The following PYROXD2 variants were observed in gnomAD, a reference collection of about 807,000 sequenced individuals.
The protein encoded by PYROXD2 is pyridine nucleotide-disulfide oxidoreductase domain-containing protein 2.
A neutral mutation model predicts 71.1 loss-of-function variants in PYROXD2; 69 were observed. That is an observed-to-expected ratio of 0.97 (90% CI 0.80 to 1.19). The LOEUF (loss-of-function observed/expected upper bound fraction) is 1.19. Among genes scored for constraint, PYROXD2 ranks in the 50% most tolerant of loss-of-function variants. PYROXD2 has a pLI of 0.00. For missense variants in PYROXD2, 745 were observed against 748.9 expected, an observed-to-expected ratio of 0.99 and a Z score of 0.06; for synonymous variants, 287 against 302.7, an observed-to-expected ratio of 0.95 and a Z score of 0.54.
intron 11 of PYROXD2, 68 bp downstream of exon 11, chr10:98,390,942 C>T: frequency 7.1e-7 from 1 of 1,412,878 alleles, no homozygotes; most frequent in South Asian, 1.1e-5. Flanking sequence ...TTCAGCTGCC[C>T]CCAGCCTGGA....
chr10:98,403,975 A>G (rs1843509433), intron 4 of PYROXD2, among the ~76,000 whole-genome samples: 1 of 152,230 alleles, frequency 6.6e-6, no homozygotes, highest in African/African-American at 2.4e-5. Context: ...CTAATTGACT[A>G]TGAATCACTT....
Position 98,393,027 on chromosome 10 carries a change from C to G in PYROXD2, c.842G>C (p.Gly281Ala), listed in dbSNP as rs762316577. Residue 281 changes from glycine to alanine, a missense_variant, in exon 9 of 16, where the codon GGC (glycine) becomes GCC (alanine). By Grantham distance (60) the Gly-to-Ala change is moderately conservative. Transcript: ENST00000370575. ...GGCACCCATGCCCCCCTGGACGTAG[C>G]CCCAGGCCCCCTGCATTCCCTCCAG... ...GGLEGMQGAWGYVQGGMGALS... is the reference protein window; with the variant it reads ...GGLEGMQGAWAYVQGGMGALS... 1.2e-5 allele frequency: 19 copies of G among 1,607,260 alleles called. No individual in the cohort carries two copies. The highest frequency in any genetic ancestry group is 1.1e-4 in the East Asian group (5 of 44,768).
At position 98,407,508 on chromosome 10, in the gene PYROXD2, G is replaced by A. The variant is rs532183938; in HGVS notation, c.315+74C>T. 5.7e-6 allele frequency: 9 copies of A among 1,577,058 alleles called. No homozygotes were observed. In the South Asian group the frequency reaches 6.9e-5, roughly 12 times the overall value. ...GGGCATCACCTCGGGCACAGAACAG[G>A]GACCCCCCACACAGGTTGGGAAGAT... On this transcript the variant is annotated intron_variant, in intron 4 of 15. Coordinates refer to ENST00000370575, the MANE Select transcript of PYROXD2 (RefSeq NM_032709.3).
At chr10:98,413,646 G>A (rs564771299) in intron 1 of PYROXD2, among the ~76,000 whole-genome samples, 8 of 152,214 alleles carry the variant, frequency 5.3e-5, no homozygotes, top group East Asian at 1.9e-4. Context: ...CCCAGGAGGC[G>A]GAGGTTGCAG....
rs1415753666 is a variant in PYROXD2 at position 98,407,895 on chromosome 10, A to T, written c.241+9T>A. On this transcript the variant is annotated intron_variant, in intron 3 of 15. Transcript: ENST00000370575. ...GCCCTCCACTCCCCCATGCCACATC[A>T]GAGCTCACCTGGGATGATCTCCTCA... The T allele has an allele frequency of 1.2e-6, 2 of 1,600,778 alleles. No individual in the cohort carries two copies. Among genetic ancestry groups the T allele is most frequent in the Non-Finnish European group, 1.7e-6 (2 of 1,173,722 alleles).
chr10:98,392,818 TCTGCAACCC>T, intron 9 of PYROXD2, 115 bp downstream of exon 9: 2 of 1,233,980 alleles, frequency 1.6e-6, no homozygotes, highest in Non-Finnish European at 2.3e-6. Flanking sequence ...ATCTCTTGAT[TCTGCAACCC>T]ATCCCCTCAT....
rs527310166 is a variant in PYROXD2 at position 98,391,524 on chromosome 10, G to A, written c.1063-442C>T. Reference sequence around the variant, plus strand: ...AAGAATGGCTAGGAGCTTCATGTGCGTATACATGTTATCATATCTTTTGAG... The same window carrying A: ...AAGAATGGCTAGGAGCTTCATGTGCATATACATGTTATCATATCTTTTGAG... On this transcript the variant is annotated intron_variant, in intron 10 of 15. Transcript: ENST00000370575. Among the ~76,000 whole-genome samples, 6 of 152,196 alleles carry A rather than the reference G, an allele frequency of 3.9e-5. No individual in the cohort carries two copies. In the East Asian group the frequency reaches 5.8e-4, roughly 15 times the overall value.
chr10:98,402,150 A>G (rs558453919), intron 4 of PYROXD2, among the ~76,000 whole-genome samples: 1 of 152,310 alleles, frequency 6.6e-6, no homozygotes, highest in Non-Finnish European at 1.5e-5. Flanking sequence ...TTATGGGACC[A>G]CCACTGTATA....
At chr10:98,409,089 G>A (rs553706689) in intron 2 of PYROXD2, among the ~76,000 whole-genome samples, 1 of 152,188 alleles carries the variant, frequency 6.6e-6, no homozygotes, top group East Asian at 1.9e-4. Context: ...GGCCTGGCAC[G>A]CAAGGTGAGC....
chr10:98,399,989 GT>G (rs1242188440), intron 5 of PYROXD2, 112 bp downstream of exon 5: 2 of 1,311,260 alleles, frequency 1.5e-6, no homozygotes, highest in Non-Finnish European at 2.0e-6. Flanking sequence ...GGAACGTGGG[GT>G]GGCCTGGCGC....
intron 8 of PYROXD2, among the ~76,000 whole-genome samples, chr10:98,394,185 C>T (rs930552178): frequency 1.6e-4 from 25 of 152,184 alleles, no homozygotes; most frequent in Non-Finnish European, 2.6e-4. Context: ...CACAGGCAAG[C>T]GCTCATCCAT....
At chr10:98,383,957 A>C in intron 15 of PYROXD2, 89 bp from the exon 16 acceptor site, 1 of 1,165,768 alleles carries the variant, frequency 8.6e-7, no homozygotes. Context: ...TCCAGCAACA[A>C]AGCAGAGTGG....
chr10:98,400,618 A>G (rs1371669757), intron 4 of PYROXD2, among the ~76,000 whole-genome samples: 1 of 151,866 alleles, frequency 6.6e-6, no homozygotes, highest in Non-Finnish European at 1.5e-5. Flanking sequence ...GTGATACCAT[A>G]CCATGCCATA....
chr10:98,389,079 T>C (rs1842859944), intron 12 of PYROXD2, among the ~76,000 whole-genome samples: 1 of 152,148 alleles, frequency 6.6e-6, no homozygotes, highest in Admixed American at 6.5e-5. Flanking sequence ...CCCTTCTCCC[T>C]GCGTCCCTCA....
chr10:98,414,932 T>C (rs911955110), intron 1 of PYROXD2, 77 bp downstream of exon 1: 5 of 1,506,482 alleles, frequency 3.3e-6, no homozygotes, highest in Non-Finnish European at 3.6e-6. Flanking sequence ...TGGCTCCCCC[T>C]CCCCCTCCCC....
At position 98,383,667 on chromosome 10, in the gene PYROXD2, TAAAATAA is replaced by T; in HGVS notation, c.*124_*130del. The T allele has an allele frequency of 1.6e-5, 12 of 773,020 alleles. No homozygotes were observed. Among genetic ancestry groups the T allele is most frequent in the Admixed American group, 8.2e-5 (4 of 48,620 alleles). 47.9% of individuals were successfully genotyped at this position (773,020 alleles called of 1,614,324 possible). A position where few individuals can be genotyped will look rare whatever the true frequency, so the allele number is the denominator to read the frequency against. ...CTAAATGTAACTCGTACGTTTTTTC[TAAAATAA>T]TTTCTTGAGCATTGTGGTGGCCTTA... On this transcript the variant is annotated 3_prime_UTR_variant, in exon 16 of 16. Coordinates refer to ENST00000370575, the MANE Select transcript of PYROXD2 (RefSeq NM_032709.3).
Position 98,415,166 on chromosome 10 carries a change from G to A in PYROXD2, c.-31C>T, listed in dbSNP as rs2296437. ...CCCCAGGCTGGGCCTTGCTAGGCAG[G>A]GAGTTTGCTAGCGATTGGCTTTTGT... On this transcript the variant is annotated 5_prime_UTR_variant, in exon 1 of 16. Transcript: ENST00000370575. 1 of 1,605,968 alleles carries A rather than the reference G, an allele frequency of 6.2e-7. No individual in the cohort carries two copies. Among genetic ancestry groups the A allele is most frequent in the African/African-American group, 1.3e-5 (1 of 74,880 alleles).
rs183592868 is a variant in PYROXD2 at position 98,409,853 on chromosome 10, G to A, written c.147+1086C>T. 2.8e-3 allele frequency among the ~76,000 whole-genome samples: 427 copies of A among 152,208 alleles called. 1 individual carries two copies. The highest frequency in any genetic ancestry group is 5.0e-3 in the Non-Finnish European group (337 of 68,006). ...AGCACTTTCAGAGGCTGAGGCAGGCGGGTCACCTGAGATCAGGAGTTCGAG... is the reference window on the plus strand; with the variant it reads ...AGCACTTTCAGAGGCTGAGGCAGGCAGGTCACCTGAGATCAGGAGTTCGAG... On this transcript the variant is annotated intron_variant, in intron 2 of 15. Coordinates refer to ENST00000370575, the MANE Select transcript of PYROXD2 (RefSeq NM_032709.3).
chr10:98,385,924 G>C (rs537963771), intron 14 of PYROXD2, among the ~76,000 whole-genome samples: 1 of 152,290 alleles, frequency 6.6e-6, no homozygotes, highest in Admixed American at 6.5e-5. Context: ...GTGCTGTTCA[G>C]TGAACATGTA....
Sources: gnomAD v4.1 joint callset for allele counts (sites outside exome capture counted in the v4.1 genomes callset) on GRCh38, gnomAD v4.1.1 for gene constraint, MANE v1.5 for transcripts, NCBI Gene and HGNC (gene_info 2026-07-23, HGNC 2026-07-21) for gene names.